DRG1: variants seen among roughly 807,000 people sequenced by gnomAD.
DRG1 encodes developmentally regulated GTP binding protein 1.
A neutral mutation model predicts 38.8 loss-of-function variants in DRG1; 19 were observed. The ratio of observed to expected loss-of-function variants is 0.49; its 90% confidence interval spans 0.34 to 0.72. DRG1 has a LOEUF of 0.72. Ranked by LOEUF, DRG1 falls within the 30% of genes least tolerant of loss-of-function variation. The pLI, the probability that DRG1 is intolerant of heterozygous loss-of-function variation, is 0.01. For synonymous variants in DRG1, 167 were observed against 157.5 expected, an observed-to-expected ratio of 1.06 and a Z score of -0.45; for missense variants, 299 against 444.8, an observed-to-expected ratio of 0.67 and a Z score of 2.95.
At chr22:31,430,291 G>T (rs1162126643) in intron 8 of DRG1, among the ~76,000 whole-genome samples, 1 of 151,662 alleles carries the variant, frequency 6.6e-6, no homozygotes, top group Non-Finnish European at 1.5e-5. Flanking sequence ...CTGTATTTCT[G>T]TATCTGTCTT....
intron 3 of DRG1, among the ~76,000 whole-genome samples, chr22:31,403,977 C>CTTTTTTTTTTTTTTTTTTTTTTTTTTT (rs11295429): frequency 2.4e-5 from 2 of 81,804 alleles, no homozygotes; most frequent in Non-Finnish European, 4.5e-5. Context: ...AAGAGAATAA[C>CTTTTTTTTTTTTTTTTTTTTTTTTTTT]TTTTTTTTTT....
intron 7 of DRG1, 110 bp downstream of exon 7, chr22:31,426,892 T>A (rs2050114262): frequency 6.7e-7 from 1 of 1,501,550 alleles, no homozygotes; most frequent in Non-Finnish European, 9.0e-7. Flanking sequence ...AAAATATAAG[T>A]AAATTGGTTC....
chr22:31,422,231 A>G (rs1351473582), intron 5 of DRG1, among the ~76,000 whole-genome samples: 1 of 152,194 alleles, frequency 6.6e-6, no homozygotes, highest in African/African-American at 2.4e-5. Context: ...CAGGAGTTGG[A>G]GGCCAGCCTG....
intron 3 of DRG1, among the ~76,000 whole-genome samples, chr22:31,406,002 T>A (rs192816820): frequency 0.01 from 1,565 of 151,412 alleles, 11 homozygotes; most frequent in Middle Eastern, 0.024. Flanking sequence ...CTTTTTTCTT[T>A]TTTCTTTTTT....
At chr22:31,415,614 G>A (rs1258206705) in intron 4 of DRG1, among the ~76,000 whole-genome samples, 3 of 152,124 alleles carry the variant, frequency 2.0e-5, no homozygotes, top group South Asian at 2.1e-4. Flanking sequence ...CGCCTGCCTC[G>A]GCCTCCCAAA....
At chr22:31,421,676 A>G (rs575181786) in intron 5 of DRG1, among the ~76,000 whole-genome samples, 1 of 151,992 alleles carries the variant, frequency 6.6e-6, no homozygotes, top group East Asian at 2.0e-4. Context: ...GTTCAAGACC[A>G]GCTTGGGCAA....
intron 4 of DRG1, among the ~76,000 whole-genome samples, chr22:31,418,340 C>T (rs1378790150): frequency 1.3e-5 from 2 of 151,674 alleles, no homozygotes; most frequent in African/African-American, 4.8e-5. Flanking sequence ...ATGTGTAGTC[C>T]CGGATATTCA....
intron 3 of DRG1, among the ~76,000 whole-genome samples, chr22:31,406,123 T>A (rs1182446156): frequency 6.6e-6 from 1 of 151,226 alleles, no homozygotes; most frequent in Admixed American, 6.6e-5. Flanking sequence ...TGCCTCAGCC[T>A]CCTGAGTAGC....
At chr22:31,400,943 CAA>C (rs372167369) in intron 2 of DRG1, among the ~76,000 whole-genome samples, 200 bp downstream of exon 2, 7 of 106,044 alleles carry the variant, frequency 6.6e-5, no homozygotes, top group Admixed American at 9.7e-5. Flanking sequence ...ACCCCCATCT[CAA>C]AAAAAAAAAA....
At chr22:31,433,488 C>T (rs1434140288) in intron 8 of DRG1, among the ~76,000 whole-genome samples, 2 of 152,060 alleles carry the variant, frequency 1.3e-5, no homozygotes, top group Non-Finnish European at 2.9e-5. Flanking sequence ...CCAGGCTTTT[C>T]TTGAACGCCT....
At chr22:31,405,023 G>T (rs750160752) in intron 3 of DRG1, among the ~76,000 whole-genome samples, 15 of 152,004 alleles carry the variant, frequency 9.9e-5, no homozygotes, top group Non-Finnish European at 1.5e-4. Context: ...TACTTATTAG[G>T]CATTGACTAT....
In DRG1 at chr22:31,434,127, T is replaced by G. The variant is rs1441878108; in HGVS notation, c.*156T>G. ...AACTGGAACTTCATTTGTCTTACCT[T>G]GGTGTCACCTTGTATGTCGAACTGC... is the stretch of plus-strand genomic sequence containing the variant. On this transcript the variant is annotated 3_prime_UTR_variant, in exon 9 of 9. Coordinates refer to ENST00000331457, the MANE Select transcript of DRG1 (RefSeq NM_004147.4). The G allele has an allele frequency of 3.2e-6, 2 of 621,106 alleles. No individual in the cohort carries two copies. Among genetic ancestry groups the G allele is most frequent in the Non-Finnish European group, 5.7e-6 (2 of 349,452 alleles). The allele number at this position is 621,106 out of a possible 1,614,324, so 38.5% of individuals were successfully genotyped here.
chr22:31,404,747 G>T (rs2049980533), intron 3 of DRG1, among the ~76,000 whole-genome samples: 1 of 151,832 alleles, frequency 6.6e-6, no homozygotes, highest in African/African-American at 2.4e-5. Flanking sequence ...TCAGTCTCCT[G>T]AGTAGCTGGG....
intron 6 of DRG1, among the ~76,000 whole-genome samples, chr22:31,424,488 C>CT (rs398036881): frequency 0.24 from 17,403 of 71,490 alleles, 2,658 homozygotes; most frequent in East Asian, 0.4. Flanking sequence ...GCTTTGGTTT[C>CT]TTTTTTTTTT....
intron 3 of DRG1, among the ~76,000 whole-genome samples, chr22:31,404,383 G>C (rs988456838): frequency 6.6e-6 from 1 of 151,338 alleles, no homozygotes; most frequent in Non-Finnish European, 1.5e-5. Context: ...TGGGACTACA[G>C]GCACGCACCC....
At chr22:31,433,579 T>C (rs2050154090) in intron 8 of DRG1, among the ~76,000 whole-genome samples, 1 of 152,092 alleles carries the variant, frequency 6.6e-6, no homozygotes, top group Non-Finnish European at 1.5e-5. Flanking sequence ...CCCAGAGTAT[T>C]TCTCTATAAC....
chr22:31,424,017 G>T (rs1336645145), intron 6 of DRG1, among the ~76,000 whole-genome samples: 1 of 150,990 alleles, frequency 6.6e-6, no homozygotes, highest in South Asian at 2.1e-4. Context: ...GGCCTGTGCC[G>T]CCACGCCTGG....
chr22:31,410,198 T>C (rs1300666144), intron 3 of DRG1, among the ~76,000 whole-genome samples: 3 of 152,174 alleles, frequency 2.0e-5, no homozygotes, highest in Non-Finnish European at 4.4e-5. Flanking sequence ...GGCTCATGCC[T>C]GTAATCCCAG....
intron 4 of DRG1, among the ~76,000 whole-genome samples, chr22:31,412,962 C>A (rs1337339255): frequency 6.6e-6 from 1 of 151,850 alleles, no homozygotes. Flanking sequence ...TAGACTCTTT[C>A]AGCATGATGA....
Sources: allele counts gnomAD v4.1 joint callset (sites outside exome capture counted in the v4.1 genomes callset), GRCh38; gene constraint gnomAD v4.1.1; transcripts MANE v1.5; gene names NCBI Gene and HGNC (gene_info 2026-07-23, HGNC 2026-07-21).